The following EXOC4 variants were observed in gnomAD, a reference collection of about 807,000 sequenced individuals.
The protein encoded by EXOC4 is exocyst complex component 4, also known as SEC8-like 1.
Under a neutral mutation model 107.2 loss-of-function variants are expected in EXOC4, and 71 were observed. That is an observed-to-expected ratio of 0.66 (90% CI 0.55 to 0.81). The LOEUF is 0.81. Ranked by LOEUF, EXOC4 falls within the 30% of genes least tolerant of loss-of-function variation. The pLI, the probability that EXOC4 is intolerant of heterozygous loss-of-function variation, is 0.00. For synonymous variants in EXOC4, 456 were observed against 441.2 expected, an observed-to-expected ratio of 1.03 and a Z score of -0.42; for missense variants, 1,108 against 1,189.6, an observed-to-expected ratio of 0.93 and a Z score of 1.01.
At chr7:133,849,468 A>C (rs1285476947) in intron 11 of EXOC4, among the ~76,000 whole-genome samples, 1 of 152,174 alleles carries the variant, frequency 6.6e-6, no homozygotes, top group East Asian at 1.9e-4. Context: ...AATATATAAT[A>C]AGATAACTGG....
At chr7:133,414,801 A>G (rs1482033160) in intron 7 of EXOC4, among the ~76,000 whole-genome samples, 2 of 152,158 alleles carry the variant, frequency 1.3e-5, no homozygotes, top group Non-Finnish European at 2.9e-5. Context: ...TTACCAATTC[A>G]AAGTATACAA....
intron 9 of EXOC4, among the ~76,000 whole-genome samples, chr7:133,503,951 A>T (rs1799621506): frequency 6.6e-6 from 1 of 151,684 alleles, no homozygotes; most frequent in African/African-American, 2.4e-5. Flanking sequence ...CTATTGTTAC[A>T]TGTGTGTGTG....
chr7:133,680,439 C>T (rs759059980), intron 10 of EXOC4, among the ~76,000 whole-genome samples: 21 of 152,184 alleles, frequency 1.4e-4, no homozygotes, highest in Non-Finnish European at 2.9e-4. Context: ...CCTCACCTTA[C>T]ATAAATCTCC....
chr7:133,691,678 C>T (rs1029410989), intron 10 of EXOC4, among the ~76,000 whole-genome samples: 1 of 151,958 alleles, frequency 6.6e-6, no homozygotes, highest in African/African-American at 2.4e-5. Context: ...TTATGAAATC[C>T]AGTAAGTGGC....
chr7:133,545,403 C>T (rs1173365815), intron 9 of EXOC4, among the ~76,000 whole-genome samples: 2 of 151,968 alleles, frequency 1.3e-5, no homozygotes, highest in Non-Finnish European at 2.9e-5. Context: ...CCTAGAACCG[C>T]AGAAAACTTA....
intron 9 of EXOC4, chr7:133,480,859 G>C (rs1799137605): frequency 6.6e-6 from 1 of 151,858 alleles, no homozygotes; most frequent in Non-Finnish European, 1.5e-5. Flanking sequence ...TTCAAGACCA[G>C]CCTGGGCGAC....
intron 7 of EXOC4, among the ~76,000 whole-genome samples, chr7:133,427,533 A>G (rs1797754504): frequency 6.6e-6 from 1 of 152,136 alleles, no homozygotes; most frequent in Admixed American, 6.5e-5. Context: ...AGAAAGGAAA[A>G]CAGAGCAGTT....
chr7:133,778,581 C>G (rs1391117234), intron 10 of EXOC4, among the ~76,000 whole-genome samples: 1 of 152,168 alleles, frequency 6.6e-6, no homozygotes, highest in Non-Finnish European at 1.5e-5. Context: ...GAGACTCTGT[C>G]TCAAAAAACA....
At chr7:133,358,543 C>A (rs1796072693) in intron 6 of EXOC4, among the ~76,000 whole-genome samples, 1 of 152,166 alleles carries the variant, frequency 6.6e-6, no homozygotes, top group Non-Finnish European at 1.5e-5. Flanking sequence ...TTTCTTCTTT[C>A]TTTGCCTGGC....
At chr7:134,050,185 A>G (rs1407795005) in intron 17 of EXOC4, among the ~76,000 whole-genome samples, 1 of 152,240 alleles carries the variant, frequency 6.6e-6, no homozygotes, top group Admixed American at 6.5e-5. Flanking sequence ...TAGTAATAGT[A>G]ATTGTCTCTA....
At chr7:134,044,731 G>A (rs1464926056) in intron 17 of EXOC4, among the ~76,000 whole-genome samples, 2 of 152,198 alleles carry the variant, frequency 1.3e-5, no homozygotes, top group Non-Finnish European at 2.9e-5. Context: ...TCAGTTTCCA[G>A]CTCCCCCGAT....
chr7:133,703,585 A>T (rs555068479), intron 10 of EXOC4, among the ~76,000 whole-genome samples: 1 of 152,216 alleles, frequency 6.6e-6, no homozygotes, highest in Non-Finnish European at 1.5e-5. Context: ...CCCTGGTGAT[A>T]AATGCCTTTT....
rs550745065 is a variant in EXOC4, at chr7:133,344,268, C to T, written c.764-12062C>T. Among the ~76,000 whole-genome samples, 27 of 152,218 alleles carry T rather than the reference C, an allele frequency of 1.8e-4. No individual in the cohort carries two copies. In the South Asian group the frequency reaches 4.1e-3, roughly 23 times the overall value. On this transcript the variant is annotated intron_variant, in intron 5 of 17. Transcript: ENST00000253861. ...AATTCTTGTTTGAGTATATTGGTTC[C>T]ATCTGGAATGTTGCCTTCTAGTTTT...
intron 10 of EXOC4, among the ~76,000 whole-genome samples, chr7:133,686,662 A>G (rs1794304756): frequency 1.3e-5 from 2 of 152,166 alleles, no homozygotes; most frequent in South Asian, 4.1e-4. Flanking sequence ...CAAAACCACA[A>G]TGCGATACCA....
rs775305650 is a variant in EXOC4, at chr7:133,576,802, A to G, written c.1418-53243A>G. The G allele has an allele frequency of 2.6e-5, 33 of 1,289,480 alleles. No homozygotes were observed. The East Asian group carries it at 2.8e-4, about 11-fold the overall frequency. The allele number at this position is 1,289,480 out of a possible 1,614,324, so 79.9% of individuals were successfully genotyped here. The stretch of plus-strand genomic sequence containing the variant: ...TTACACCCAGACAGCCCTTCTGTGC[A>G]TGGCAAGTTTTACTGAACTCCTCGA... On this transcript the variant is annotated intron_variant, in intron 9 of 17. Coordinates refer to ENST00000253861, the MANE Select transcript of EXOC4 (RefSeq NM_021807.4).
At chr7:133,821,168 G>A (rs1797511859) in intron 11 of EXOC4, among the ~76,000 whole-genome samples, 1 of 152,204 alleles carries the variant, frequency 6.6e-6, no homozygotes, top group African/African-American at 2.4e-5. Context: ...CACTTTAGTA[G>A]CATTTACTGT....
At chr7:133,643,202 C>T (rs1327362295) in intron 10 of EXOC4, among the ~76,000 whole-genome samples, 1 of 152,122 alleles carries the variant, frequency 6.6e-6, no homozygotes, top group Non-Finnish European at 1.5e-5. Flanking sequence ...AGCCTGCAGG[C>T]TGGGGAGCAA....
intron 9 of EXOC4, among the ~76,000 whole-genome samples, chr7:133,560,701 CTTAA>C (rs923132913): frequency 2.6e-5 from 4 of 152,094 alleles, no homozygotes; most frequent in Non-Finnish European, 5.9e-5. Context: ...CTAATCTCTG[CTTAA>C]TTAAATAAAA....
chr7:133,569,151 GA>G (rs1201987396), intron 9 of EXOC4, among the ~76,000 whole-genome samples: 2 of 127,364 alleles, frequency 1.6e-5, no homozygotes, highest in East Asian at 4.3e-4. Context: ...AATTAATAAA[GA>G]TTTTTTTTTA....
Sources: gnomAD v4.1 joint callset for allele counts (sites outside exome capture counted in the v4.1 genomes callset) on GRCh38, gnomAD v4.1.1 for gene constraint, MANE v1.5 for transcripts, NCBI Gene and HGNC (gene_info 2026-07-23, HGNC 2026-07-21) for gene names.